Variants in TBL3 observed in about 807,000 individuals in gnomAD.
TBL3 encodes transducin beta-like protein 3.
In TBL3, 71 loss-of-function variants were observed where a neutral mutation model predicts 102.7. The observed-to-expected ratio is 0.69, with a 90% CI of 0.57 to 0.84. The LOEUF (loss-of-function observed/expected upper bound fraction) is 0.84, where lower values mean the gene tolerates loss of function less well. Among genes scored for constraint, TBL3 ranks in the 40% least tolerant of loss-of-function variants. The probability of loss-of-function intolerance (pLI) is 0.00; values close to 1 mark genes in which losing one functional copy is unlikely to be tolerated. For synonymous variants in TBL3, 578 were observed against 477.7 expected, an observed-to-expected ratio of 1.21 and a Z score of -2.74; for missense variants, 1,188 against 1,098.5, an observed-to-expected ratio of 1.08 and a Z score of -1.15.
intron 4 of TBL3, 47 bp from the exon 5 acceptor site, chr16:1,974,491 G>A: frequency 6.3e-7 from 1 of 1,585,446 alleles, no homozygotes; most frequent in Non-Finnish European, 8.6e-7. Flanking sequence ...CCAGGAAGAT[G>A]TGAGCAGGGT....
At chr16:1,972,450 G>C (rs1261761114) in intron 1 of TBL3, among the ~76,000 whole-genome samples, 1 of 152,252 alleles carries the variant, frequency 6.6e-6, no homozygotes, top group Non-Finnish European at 1.5e-5. Context: ...CGAGAAGCCG[G>C]CTATGGGGTG....
chr16:1,975,592 G>C lies in TBL3; in HGVS notation c.869G>C (p.Gly290Ala). The C allele has an allele frequency of 6.2e-7, 1 of 1,600,796 alleles. No homozygotes were observed. Among genetic ancestry groups the C allele is most frequent in the Non-Finnish European group, 8.5e-7 (1 of 1,179,390 alleles). The change falls in exon 10 of 22, where the codon GGC (glycine) becomes GCC (alanine). Residue 290 changes from glycine (G) to alanine (A), a missense_variant. By Grantham distance (60) the Gly-to-Ala change is moderately conservative. Coordinates refer to ENST00000568546, the MANE Select transcript of TBL3 (RefSeq NM_006453.3). Reference sequence around the variant, plus strand: ...GTGTACACGCAGGCCCAGCCGCCGGGCCCTGGGCAGGAGCTGACCCACTGC... The same window carrying C: ...GTGTACACGCAGGCCCAGCCGCCGGCCCCTGGGCAGGAGCTGACCCACTGC... ...QCVYTQAQPP[G>A]PGQELTHCTL...
chr16:1,977,072 A>G lies in TBL3; in HGVS notation c.1459A>G (p.Ile487Val), dbSNP rs565034209. The change falls in exon 15 of 22, where the codon ATT becomes GTT. Residue 487 changes from isoleucine to valine, a missense_variant. Physicochemically the swap from Ile to Val is conservative, Grantham distance 29. Transcript: ENST00000568546. ...TTGCCAGGACATCAACAGCGTGGCTATTGCCCCCAACGACAAGCTGCTGGC... is the reference window on the plus strand; with the variant it reads ...TTGCCAGGACATCAACAGCGTGGCTGTTGCCCCCAACGACAAGCTGCTGGC... The part of the protein sequence containing the change: ...CHDKDINSVA[I>V]APNDKLLATG... 22 of 1,613,266 alleles carry G rather than the reference A, an allele frequency of 1.4e-5. No individual in the cohort carries two copies. The highest frequency in any genetic ancestry group is 5.0e-5 in the Admixed American group (3 of 60,014).
At position 1,979,150 on chromosome 16, in the gene TBL3, A is replaced by G. The variant is rs888108023; in HGVS notation, c.*465A>G. 3 of 1,465,260 alleles carry G rather than the reference A, an allele frequency of 2.0e-6. No individual in the cohort carries two copies. The highest frequency in any genetic ancestry group is 2.7e-6 in the Non-Finnish European group (3 of 1,119,476). The allele number at this position is 1,465,260 out of a possible 1,614,324, so 90.8% of individuals were successfully genotyped here. A position where few individuals can be genotyped will look rare whatever the true frequency, so the allele number is the denominator to read the frequency against. ...TCCAGGGCCCTGCGTGTGACGGTGC[A>G]GCAGCGGCTCTGGATGGCGCCCGGC... On this transcript the variant is annotated 3_prime_UTR_variant, in exon 22 of 22. Transcript: ENST00000568546.
In TBL3 at chr16:1,974,193, C is replaced by T. The variant is rs2083380628; in HGVS notation, c.94-4C>T. 6.3e-7 allele frequency: 1 copy of T among 1,577,756 alleles called. No homozygotes were observed. Among genetic ancestry groups the T allele is most frequent in the Non-Finnish European group, 8.6e-7 (1 of 1,159,342 alleles). On this transcript the variant is annotated splice_region_variant and splice_polypyrimidine_tract_variant and intron_variant, in intron 2 of 21. Coordinates refer to ENST00000568546, the MANE Select transcript of TBL3 (RefSeq NM_006453.3). ...TTGCCTGGCTGAGACCTCTCTGTCC[C>T]CAGCTGGACCAGACTGGCCAGCACC...
Position 1,974,111 on chromosome 16 carries a change from C to T in TBL3, c.93+4C>T. On this transcript the variant is annotated splice_donor_region_variant and intron_variant, in intron 2 of 21. Transcript: ENST00000568546. Reference sequence around the variant, plus strand: ...CTACAAGGGCGGAAAAGCACAGGTACCAGCCTGGGGAAGGGCAGTGGGGCG... The same window carrying T: ...CTACAAGGGCGGAAAAGCACAGGTATCAGCCTGGGGAAGGGCAGTGGGGCG... 1 of 1,586,500 alleles carries T rather than the reference C, an allele frequency of 6.3e-7. No individual in the cohort carries two copies. The highest frequency in any genetic ancestry group is 1.1e-5 in the South Asian group (1 of 89,140).
chr16:1,975,926 G>A lies in TBL3; in HGVS notation c.1106G>A (p.Cys369Tyr), dbSNP rs1427975942. The A allele has an allele frequency of 1.9e-6, 3 of 1,614,030 alleles. No homozygotes were observed. In the African/African-American group the frequency reaches 4.0e-5, roughly 22 times the overall value. ...GTGTTTGAGCTGCAGACGTCAGCCT[G>A]CCAGATCCTCCACGGCCACACGGGT... ...LKVFELQTSA[C>Y]QILHGHTDIV... Residue 369 changes from cysteine (C) to tyrosine (Y), a missense_variant, in exon 11 of 22, where the codon TGC becomes TAC. Cys to Tyr is a radical substitution (Grantham distance 194, BLOSUM62 -2). Transcript: ENST00000568546.
Position 1,976,815 on chromosome 16 carries a change from C to T in TBL3, c.1294C>T (p.Leu432=), listed in dbSNP as rs771525427. Reference sequence around the variant, plus strand: ...TCCTCCTCTCCTGTTGGGTCACAGGCTGAAGGAGTCCTTCCTGGTGACAGG... The same window carrying T: ...TCCTCCTCTCCTGTTGGGTCACAGGTTGAAGGAGTCCTTCCTGGTGACAGG... The part of the protein sequence containing the change: ...HSVGTVCCSR[L]KESFLVTGSQ... The change falls in exon 14 of 22, where the codon CTG becomes TTG. Residue 432 remains leucine, a splice_region_variant and synonymous_variant. Coordinates refer to ENST00000568546, the MANE Select transcript of TBL3 (RefSeq NM_006453.3). 6.8e-6 allele frequency: 11 copies of T among 1,613,318 alleles called. No individual in the cohort carries two copies. In the African/African-American group the frequency reaches 8.0e-5, roughly 12 times the overall value.
At chr16:1,975,490 G>A in intron 9 of TBL3, 39 bp from the exon 10 acceptor site, 2 of 1,604,420 alleles carry the variant, frequency 1.2e-6, no homozygotes, top group Non-Finnish European at 8.5e-7. Context: ...AAGGCCTGTG[G>A]ACCTGAGAGT....
At position 1,982,066 on chromosome 16, in the gene TBL3, G is replaced by A. The variant is rs1029511241; in HGVS notation, c.*3381G>A. On this transcript the variant is annotated 3_prime_UTR_variant, in exon 22 of 22. Coordinates refer to ENST00000568546, the MANE Select transcript of TBL3 (RefSeq NM_006453.3). The stretch of plus-strand genomic sequence containing the variant: ...CTCTCTGGCTGCTTCCTTATAGTTC[G>A]GGCTTCGGAAGCCACATTCAACCCT... The A allele has an allele frequency of 3.9e-5, 6 of 152,166 alleles. No homozygotes were observed. The highest frequency in any genetic ancestry group is 3.8e-4 in the East Asian group (2 of 5,196). The allele number at this position is 152,166 out of a possible 1,614,324, so 9.4% of individuals were successfully genotyped here. A position where few individuals can be genotyped will look rare whatever the true frequency, so the allele number is the denominator to read the frequency against.
rs541254270 is a variant in TBL3 at position 1,979,728 on chromosome 16, G to A, written c.*1043G>A. On this transcript the variant is annotated 3_prime_UTR_variant, in exon 22 of 22. Transcript: ENST00000568546. ...GCCCGCCCTGCCCGCGGTGCTTCTG[G>A]CCCAGTCTTGCCACACGGTCAAGCC... is the stretch of plus-strand genomic sequence containing the variant. 7 of 1,342,708 alleles carry A rather than the reference G, an allele frequency of 5.2e-6. No individual in the cohort carries two copies. Among genetic ancestry groups the A allele is most frequent in the Admixed American group, 4.7e-5 (2 of 42,326 alleles). The allele number at this position is 1,342,708 out of a possible 1,614,324, so 83.2% of individuals were successfully genotyped here.
rs1201045296 is a variant in TBL3, at chr16:1,980,586, G to C, written c.*1901G>C. 22 of 1,594,452 alleles carry C rather than the reference G, an allele frequency of 1.4e-5. No individual in the cohort carries two copies. Among genetic ancestry groups the C allele is most frequent in the Admixed American group, 1.7e-5 (1 of 58,202 alleles). ...AACGTACTGTGATACGCCGCTTTGG[G>C]CTTCACTGGTCCCTGGCGCCCCCAG... On this transcript the variant is annotated 3_prime_UTR_variant, in exon 22 of 22. Transcript: ENST00000568546.
chr16:1,972,561 C>G (rs1009658349), intron 1 of TBL3, among the ~76,000 whole-genome samples: 5 of 152,182 alleles, frequency 3.3e-5, no homozygotes, highest in African/African-American at 9.6e-5. Context: ...TCTGAGCAGT[C>G]GGCCTGGGGA....
Position 1,978,552 on chromosome 16 carries a change from A to G in TBL3, c.2294A>G (p.Glu765Gly). The G allele has an allele frequency of 6.2e-7, 1 of 1,605,810 alleles. No homozygotes were observed. The highest frequency in any genetic ancestry group is 8.5e-7 in the Non-Finnish European group (1 of 1,174,672). The change falls in exon 22 of 22, where the codon GAG becomes GGG. Residue 765 changes from glutamate to glycine, a missense_variant and splice_region_variant. By Grantham distance (98) the Glu-to-Gly change is moderately conservative. Transcript: ENST00000568546. The part of the protein sequence containing the change: ...AALEALLPYT[E>G]RHFQRLSRTL... Reference sequence around the variant, plus strand: ...CTGACCTCCCTCTGTCCAACCCCAGAGCGGCACTTTCAGCGGCTCAGCAGG... The same window carrying G: ...CTGACCTCCCTCTGTCCAACCCCAGGGCGGCACTTTCAGCGGCTCAGCAGG...
rs1229022421 is a variant in TBL3 at position 1,979,221 on chromosome 16, G to A, written c.*536G>A. On this transcript the variant is annotated 3_prime_UTR_variant, in exon 22 of 22. Transcript: ENST00000568546. ...GGGGGGAGGGGCGGTGGCCTGGGAGGGTTCAGGGAAGCCCCGGGCCTCACC... is the reference window on the plus strand; with the variant it reads ...GGGGGGAGGGGCGGTGGCCTGGGAGAGTTCAGGGAAGCCCCGGGCCTCACC... 4 of 1,482,254 alleles carry A rather than the reference G, an allele frequency of 2.7e-6. No homozygotes were observed. Among genetic ancestry groups the A allele is most frequent in the South Asian group, 1.3e-5 (1 of 76,726 alleles). 91.8% of individuals were successfully genotyped at this position (1,482,254 alleles called of 1,614,324 possible). A position where few individuals can be genotyped will look rare whatever the true frequency, so the allele number is the denominator to read the frequency against.
At position 1,976,037 on chromosome 16, in the gene TBL3, C is replaced by A. The variant is rs766027804; in HGVS notation, c.1130-19C>A. The A allele has an allele frequency of 1.2e-6, 2 of 1,614,208 alleles. No individual in the cohort carries two copies. The highest frequency in any genetic ancestry group is 1.7e-6 in the Non-Finnish European group (2 of 1,180,038). ...CCCCCGTCTTGCTGTGTGACCTATA[C>A]CTCCCCACAACATCTCAGATATCGT... On this transcript the variant is annotated intron_variant, in intron 11 of 21. Transcript: ENST00000568546.
chr16:1,976,962 G>A lies in TBL3; in HGVS notation c.1440+1G>A. The A allele has an allele frequency of 3.7e-6, 6 of 1,613,848 alleles. No homozygotes were observed. The highest frequency in any genetic ancestry group is 5.1e-6 in the Non-Finnish European group (6 of 1,179,998). On this transcript the variant is annotated splice_donor_variant, in intron 14 of 21. Coordinates refer to ENST00000568546, the MANE Select transcript of TBL3 (RefSeq NM_006453.3). LOFTEE classifies it high-confidence loss of function. ...GACCACTCAGCGCTGCCATGATAAGGTGACTCCATAGCCACTGGGGTGGGG... is the reference window on the plus strand; with the variant it reads ...GACCACTCAGCGCTGCCATGATAAGATGACTCCATAGCCACTGGGGTGGGG...
At chr16:1,975,989 TC>T in intron 11 of TBL3, 40 bp downstream of exon 11, 1 of 1,614,070 alleles carries the variant, frequency 6.2e-7, no homozygotes, top group Non-Finnish European at 8.5e-7. Context: ...GGGAGCCGCC[TC>T]GGTCCCTTGC....
chr16:1,977,462 G>A, intron 16 of TBL3, 36 bp downstream of exon 16: 2 of 1,609,368 alleles, frequency 1.2e-6, no homozygotes, highest in South Asian at 1.1e-5. Flanking sequence ...ATGGAGTGGG[G>A]GGTGGCGGGG....
Sources: allele counts gnomAD v4.1 joint callset (sites outside exome capture counted in the v4.1 genomes callset), GRCh38; gene constraint gnomAD v4.1.1; transcripts MANE v1.5; gene names NCBI Gene and HGNC (gene_info 2026-07-23, HGNC 2026-07-21).